IRAK1BP1: variants seen among roughly 807,000 people sequenced by gnomAD.
IRAK1BP1 encodes the protein interleukin-1 receptor-associated kinase 1-binding protein 1.
A neutral mutation model predicts 28.0 loss-of-function variants in IRAK1BP1; 24 were observed. The ratio of observed to expected loss-of-function variants is 0.86; its 90% CI spans 0.62 to 1.20. IRAK1BP1 has a LOEUF of 1.20. IRAK1BP1 is among the 50% of genes most tolerant of loss of function. The probability of loss-of-function intolerance (pLI) is 0.00; values close to 1 mark genes in which losing one functional copy is unlikely to be tolerated. For missense variants in IRAK1BP1, 336 were observed against 316.7 expected, an observed-to-expected ratio of 1.06 and a Z score of -0.46; for synonymous variants, 131 against 116.3, an observed-to-expected ratio of 1.13 and a Z score of -0.81.
rs188917998 is a variant in IRAK1BP1, at chr6:78,889,292, T to G, written c.381+3849T>G. Among the ~76,000 whole-genome samples, 129 of 152,158 alleles carry G rather than the reference T, an allele frequency of 8.5e-4. No homozygotes were observed. In the East Asian group the frequency reaches 0.019, roughly 22 times the overall value. On this transcript the variant is annotated intron_variant, in intron 2 of 3. Transcript: ENST00000369940. Reference sequence around the variant, plus strand: ...ATTAAACTCAAGATGGGTTAAAGACTTAAGTGTAAAACCTAAAACCATAAA... The same window carrying G: ...ATTAAACTCAAGATGGGTTAAAGACGTAAGTGTAAAACCTAAAACCATAAA...
the IRAK1BP1 span, chr6:78,954,754 G>A: frequency 8.8e-6 from 9 of 1,020,064 alleles, no homozygotes; most frequent in African/African-American, 1.7e-5. Flanking sequence ...ATAGCCAACT[G>A]TCATGTAAAA....
At chr6:78,887,826 G>A (rs891284311) in intron 2 of IRAK1BP1, among the ~76,000 whole-genome samples, 3 of 152,040 alleles carry the variant, frequency 2.0e-5, no homozygotes, top group South Asian at 4.2e-4. Flanking sequence ...ATAGAACTAC[G>A]ATATGACCCA....
chr6:78,953,575 G>A, the IRAK1BP1 span, among the ~76,000 whole-genome samples: 3 of 152,074 alleles, frequency 2.0e-5, no homozygotes, highest in Admixed American at 2.0e-4. Flanking sequence ...TGAAAGGTGA[G>A]GTTCTAATTA....
chr6:78,891,262 A>T (rs913880615), intron 2 of IRAK1BP1, among the ~76,000 whole-genome samples: 4 of 152,314 alleles, frequency 2.6e-5, no homozygotes, highest in Admixed American at 2.0e-4. Flanking sequence ...TATATTGTTC[A>T]GCTGTAAACA....
At chr6:78,974,624 G>T in the IRAK1BP1 span, among the ~76,000 whole-genome samples, 1 of 151,998 alleles carries the variant, frequency 6.6e-6, no homozygotes, top group Non-Finnish European at 1.5e-5. Flanking sequence ...TCGATAGACC[G>T]CCAGCAAGAC....
At chr6:78,933,536 A>G (rs1162207473) in intron 4 of IRAK1BP1, among the ~76,000 whole-genome samples, 1 of 152,046 alleles carries the variant, frequency 6.6e-6, no homozygotes, top group Non-Finnish European at 1.5e-5. Context: ...AATCGCTTGA[A>G]CCCAGGAGGT....
chr6:78,913,356 A>G (rs1236605462), intron 4 of IRAK1BP1, among the ~76,000 whole-genome samples: 1 of 146,538 alleles, frequency 6.8e-6, no homozygotes, highest in Non-Finnish European at 1.5e-5. Context: ...AGTACAAGTC[A>G]TTACTGGGGC....
intron 1 of IRAK1BP1, among the ~76,000 whole-genome samples, chr6:78,868,505 A>G (rs988793888): frequency 3.3e-5 from 5 of 152,248 alleles, no homozygotes; most frequent in Non-Finnish European, 7.3e-5. Flanking sequence ...TCAAGCCAGT[A>G]TTGTGGATAC....
At chr6:78,868,313 G>A (rs1770663176) in intron 1 of IRAK1BP1, among the ~76,000 whole-genome samples, 1 of 149,428 alleles carries the variant, frequency 6.7e-6, no homozygotes, top group Admixed American at 6.6e-5. Context: ...TGAAGAGCAC[G>A]ACCTGCTTCC....
chr6:78,954,826 G>A, the IRAK1BP1 span: 2 of 1,579,376 alleles, frequency 1.3e-6, no homozygotes, highest in Non-Finnish European at 1.7e-6. Flanking sequence ...GATATTCAAG[G>A]AGATCTACCG....
In IRAK1BP1 at chr6:78,901,331, G is replaced by A. The variant is rs1162290207; in HGVS notation, c.*2997G>A. The stretch of plus-strand genomic sequence containing the variant: ...TTAGGGAAGAAATCATTCAAAGATT[G>A]GAAAGACTTATGTGTAGTATTCTGT... On this transcript the variant is annotated 3_prime_UTR_variant, in exon 4 of 4. Coordinates refer to ENST00000369940, the MANE Select transcript of IRAK1BP1 (RefSeq NM_001010844.4). 1 of 151,860 alleles carries A rather than the reference G, an allele frequency of 6.6e-6. No individual in the cohort carries two copies. The highest frequency in any genetic ancestry group is 2.4e-5 in the African/African-American group (1 of 41,378). The allele number at this position is 151,860 out of a possible 1,614,324, so 9.4% of individuals were successfully genotyped here.
chr6:78,918,402 G>T (rs1772618665), intron 4 of IRAK1BP1, among the ~76,000 whole-genome samples: 1 of 151,920 alleles, frequency 6.6e-6, no homozygotes, highest in Non-Finnish European at 1.5e-5. Context: ...GCAGAGACAA[G>T]TTGAAGAAAA....
intron 4 of IRAK1BP1, among the ~76,000 whole-genome samples, chr6:78,915,772 C>G (rs918263324): frequency 6.6e-6 from 1 of 152,188 alleles, no homozygotes; most frequent in African/African-American, 2.4e-5. Flanking sequence ...TTCCCACTTT[C>G]TTTTGTAGGC....
the IRAK1BP1 span, chr6:78,957,152 T>C: frequency 3.3e-5 from 5 of 152,168 alleles, no homozygotes; most frequent in South Asian, 1.0e-3. Context: ...CATTTCAAAG[T>C]AGCCGTTTGA....
chr6:78,965,438 T>C, the IRAK1BP1 span, among the ~76,000 whole-genome samples: 14 of 152,226 alleles, frequency 9.2e-5, no homozygotes, highest in Non-Finnish European at 1.9e-4. Flanking sequence ...GCACACTTTC[T>C]TGGGTGAATA....
At chr6:78,887,282 G>T (rs1320171971) in intron 2 of IRAK1BP1, among the ~76,000 whole-genome samples, 1 of 152,070 alleles carries the variant, frequency 6.6e-6, no homozygotes, top group African/African-American at 2.4e-5. Flanking sequence ...TATAGAAAAA[G>T]GTGTTCAGCA....
chr6:78,958,108 ATTG>A, the IRAK1BP1 span: 10 of 160,622 alleles, frequency 6.2e-5, no homozygotes, highest in African/African-American at 1.9e-4. Flanking sequence ...CACCTGTAAG[ATTG>A]TTATTTGGGT....
At chr6:78,903,240 CG>C, downstream of IRAK1BP1, 2 of 492,166 alleles carry the variant, frequency 4.1e-6, no homozygotes, top group Non-Finnish European at 7.1e-6. Context: ...CCCAACACTT[CG>C]GGAGGCCGAG....
rs972948279 is a variant in IRAK1BP1 at position 78,935,619 on chromosome 6, A to G, written c.*68-9789A>G. The G allele has an allele frequency of 2.9e-5, 28 of 981,364 alleles. No homozygotes were observed. The South Asian group carries it at 3.3e-4, about 12-fold the overall frequency. 60.8% of individuals were successfully genotyped at this position (981,364 alleles called of 1,614,324 possible). A position where few individuals can be genotyped will look rare whatever the true frequency, so the allele number is the denominator to read the frequency against. On this transcript the variant is annotated intron_variant and NMD_transcript_variant, in intron 4 of 4. Transcript: ENST00000606868. Reference sequence around the variant, plus strand: ...ATTAAATGTACACATAAAAAGGCATATAAGTTTTTGACCTTCAGTTGTTTT... The same window carrying G: ...ATTAAATGTACACATAAAAAGGCATGTAAGTTTTTGACCTTCAGTTGTTTT...
Sources: allele counts gnomAD v4.1 joint callset (sites outside exome capture counted in the v4.1 genomes callset), GRCh38; gene constraint gnomAD v4.1.1; transcripts MANE v1.5; gene names NCBI Gene and HGNC (gene_info 2026-07-23, HGNC 2026-07-21).